Variants in NRXN3 observed in about 807,000 individuals in gnomAD.
NRXN3 encodes the protein neurexin III.
NRXN3 carries 32 observed loss-of-function variants against 137.6 expected under a neutral mutation model. The observed-to-expected ratio is 0.23, with a 90% CI of 0.18 to 0.31. NRXN3 has a LOEUF of 0.31. NRXN3 is among the 10% of genes least tolerant of loss of function. NRXN3 has a pLI of 1.00. For missense variants in NRXN3, 1,574 were observed against 2,062.5 expected, an observed-to-expected ratio of 0.76 and a Z score of 4.59; for synonymous variants, 798 against 784.5, an observed-to-expected ratio of 1.02 and a Z score of -0.29.
At chr14:78,895,305 C>T (rs537017884) in intron 10 of NRXN3, among the ~76,000 whole-genome samples, 2 of 152,008 alleles carry the variant, frequency 1.3e-5, no homozygotes, top group South Asian at 4.1e-4. Context: ...TAAGCACTTG[C>T]CGCTTTACCT....
Position 78,717,782 on chromosome 14 carries a change from C to G in NRXN3, c.2044+2643C>G, listed in dbSNP as rs560094138. Among the ~76,000 whole-genome samples, 3 of 152,240 alleles carry G rather than the reference C, an allele frequency of 2.0e-5. No homozygotes were observed. The South Asian group carries it at 6.2e-4, about 32-fold the overall frequency. ...AAACAGAAACACCAACTTGACACGG[C>G]CTTTACTTGTGAACAAGGGGTGTAT... On this transcript the variant is annotated intron_variant, in intron 8 of 20. Coordinates refer to ENST00000335750, the MANE Select transcript of NRXN3 (RefSeq NM_001330195.2).
intron 1 of NRXN3, among the ~76,000 whole-genome samples, chr14:78,187,082 T>C (rs1335731699): frequency 6.6e-6 from 1 of 152,178 alleles, no homozygotes; most frequent in Non-Finnish European, 1.5e-5. Context: ...ACTTTGTGCA[T>C]GGATTGTGCC....
chr14:78,231,794 C>T (rs918338850), intron 1 of NRXN3, among the ~76,000 whole-genome samples: 15 of 152,346 alleles, frequency 9.8e-5, no homozygotes, highest in Admixed American at 3.9e-4. Context: ...CTTGGCATAG[C>T]GCGTTGCCCA....
intron 14 of NRXN3, among the ~76,000 whole-genome samples, chr14:78,986,320 A>T (rs1262522026): frequency 6.6e-6 from 1 of 152,198 alleles, no homozygotes; most frequent in Non-Finnish European, 1.5e-5. Flanking sequence ...TCATGGAGTT[A>T]TACTGAATAT....
At chr14:79,752,491 G>A (rs1355162980) in intron 19 of NRXN3, among the ~76,000 whole-genome samples, 1 of 152,122 alleles carries the variant, frequency 6.6e-6, no homozygotes, top group African/African-American at 2.4e-5. Context: ...TTAATAAATG[G>A]TGCTGGGAAA....
intron 6 of NRXN3, among the ~76,000 whole-genome samples, chr14:78,672,849 G>C (rs2152719588): frequency 6.6e-6 from 1 of 152,256 alleles, no homozygotes; most frequent in Non-Finnish European, 1.5e-5. Flanking sequence ...CTGTAAGCCT[G>C]GTTCTCATTT....
At chr14:79,369,851 G>T (rs1453373021) in intron 15 of NRXN3, among the ~76,000 whole-genome samples, 2 of 152,130 alleles carry the variant, frequency 1.3e-5, no homozygotes, top group African/African-American at 4.8e-5. Flanking sequence ...GATAATGTAC[G>T]CCAGGAACTG....
intron 4 of NRXN3, among the ~76,000 whole-genome samples, chr14:78,537,496 A>T (rs1047403481): frequency 1.3e-5 from 2 of 152,186 alleles, no homozygotes; most frequent in Non-Finnish European, 2.9e-5. Flanking sequence ...TTCTTTGTAG[A>T]TTCTGGATAT....
intron 15 of NRXN3, among the ~76,000 whole-genome samples, chr14:79,417,104 C>T (rs985329104): frequency 3.9e-5 from 6 of 152,048 alleles, no homozygotes; most frequent in Admixed American, 6.6e-5. Context: ...CAAGATTCTT[C>T]GCTTCTCTGT....
At chr14:78,604,618 C>T (rs1381651142) in intron 4 of NRXN3, among the ~76,000 whole-genome samples, 2 of 152,050 alleles carry the variant, frequency 1.3e-5, no homozygotes, top group Admixed American at 6.6e-5. Context: ...CCTGTTTGGC[C>T]CTGCAAAGGA....
intron 10 of NRXN3, among the ~76,000 whole-genome samples, chr14:78,830,075 C>T (rs1303703309): frequency 6.6e-6 from 1 of 152,048 alleles, no homozygotes; most frequent in African/African-American, 2.4e-5. Context: ...AATAGTATAT[C>T]ATGGATTTTT....
intron 4 of NRXN3, chr14:78,614,795 A>T: frequency 2.9e-6 from 1 of 344,514 alleles, no homozygotes; most frequent in South Asian, 2.3e-5. Flanking sequence ...TGCCCAAGGC[A>T]CTCCCTACAG....
chr14:78,671,704 C>T (rs1164080735), intron 6 of NRXN3, among the ~76,000 whole-genome samples: 8 of 152,100 alleles, frequency 5.3e-5, no homozygotes, highest in African/African-American at 1.9e-4. Context: ...CTCCTTTTCT[C>T]TAATTGATTA....
chr14:78,968,048 T>TTTCCCCCCCCCCCCCCCC (rs2099425468), intron 13 of NRXN3, 125 bp from the exon 14 acceptor site: 1 of 54,440 alleles, frequency 1.8e-5, no homozygotes, highest in Non-Finnish European at 4.2e-5. Flanking sequence ...ATTTATGCTG[T>TTTCCCCCCCCCCCCCCCC]CCCCCCCCCC....
At chr14:79,538,864 A>G (rs888374233) in intron 16 of NRXN3, among the ~76,000 whole-genome samples, 6 of 152,236 alleles carry the variant, frequency 3.9e-5, no homozygotes, top group Admixed American at 3.3e-4. Context: ...TTCCTCTGTC[A>G]ATGCTTATAT....
chr14:79,469,922 A>C (rs2096478391), intron 16 of NRXN3, among the ~76,000 whole-genome samples: 1 of 152,206 alleles, frequency 6.6e-6, no homozygotes, highest in Admixed American at 6.5e-5. Flanking sequence ...TAGAAGACTA[A>C]ATGGCTTAAT....
At chr14:79,342,131 G>C (rs1411582638) in intron 15 of NRXN3, among the ~76,000 whole-genome samples, 1 of 152,158 alleles carries the variant, frequency 6.6e-6, no homozygotes, top group Non-Finnish European at 1.5e-5. Context: ...TGAGGGTTGT[G>C]GGTGGGGAGC....
At chr14:78,253,981 A>G (rs1036173465) in intron 2 of NRXN3, among the ~76,000 whole-genome samples, 1 of 152,076 alleles carries the variant, frequency 6.6e-6, no homozygotes, top group East Asian at 2.0e-4. Flanking sequence ...GTAATGGGCC[A>G]TGTGGGTGAA....
intron 6 of NRXN3, among the ~76,000 whole-genome samples, chr14:78,699,182 G>T (rs1015945633): frequency 6.6e-6 from 1 of 152,050 alleles, no homozygotes; most frequent in Non-Finnish European, 1.5e-5. Context: ...GGGGCGGAGA[G>T]GAAGAAATCA....
Sources: allele counts gnomAD v4.1 joint callset (sites outside exome capture counted in the v4.1 genomes callset), GRCh38; gene constraint gnomAD v4.1.1; transcripts MANE v1.5; gene names NCBI Gene and HGNC (gene_info 2026-07-23, HGNC 2026-07-21).